The following NRG3 variants were observed in gnomAD, a reference collection of about 807,000 sequenced individuals.
The protein encoded by NRG3 is pro-neuregulin-3, membrane-bound isoform.
Under a neutral mutation model 66.9 loss-of-function variants are expected in NRG3, and 31 were observed. That is an observed-to-expected ratio of 0.46 (90% confidence interval 0.35 to 0.63). NRG3 has a LOEUF of 0.63. Ranked by LOEUF, NRG3 falls within the 20% of genes least tolerant of loss-of-function variation. The probability of loss-of-function intolerance (pLI) is 0.00; values close to 1 mark genes in which losing one functional copy is unlikely to be tolerated. For missense variants in NRG3, 910 were observed against 878.9 expected, an observed-to-expected ratio of 1.04 and a Z score of -0.45; for synonymous variants, 393 against 359.4, an observed-to-expected ratio of 1.09 and a Z score of -1.06.
At chr10:82,770,107 CTTAT>C (rs754811272) in intron 3 of NRG3, among the ~76,000 whole-genome samples, 2 of 152,012 alleles carry the variant, frequency 1.3e-5, no homozygotes, top group East Asian at 3.9e-4. Flanking sequence ...TTATATTATT[CTTAT>C]TTATTTAGTT....
chr10:82,049,788 G>C (rs1242856637), intron 1 of NRG3, among the ~76,000 whole-genome samples: 1 of 151,872 alleles, frequency 6.6e-6, no homozygotes, highest in Non-Finnish European at 1.5e-5. Context: ...GAGTAGCCCA[G>C]AGCTCAGTTT....
chr10:82,922,563 G>A (rs766167054), intron 4 of NRG3, among the ~76,000 whole-genome samples: 3 of 152,138 alleles, frequency 2.0e-5, no homozygotes, highest in Non-Finnish European at 4.4e-5. Context: ...ATAAACAGAC[G>A]CTGGAGGTTT....
intron 2 of NRG3, among the ~76,000 whole-genome samples, chr10:82,639,574 A>G (rs1472893195): frequency 6.6e-6 from 1 of 152,204 alleles, no homozygotes; most frequent in Non-Finnish European, 1.5e-5. Context: ...AGATGTTCAG[A>G]TGACATTTCT....
intron 2 of NRG3, among the ~76,000 whole-genome samples, chr10:82,671,301 T>G (rs184069777): frequency 2.2e-4 from 34 of 152,332 alleles, no homozygotes; most frequent in East Asian, 1.5e-3. Context: ...TTGGGTGGTG[T>G]TGTTCTCATT....
At chr10:82,319,126 A>G (rs965749088) in intron 1 of NRG3, among the ~76,000 whole-genome samples, 1 of 152,218 alleles carries the variant, frequency 6.6e-6, no homozygotes, top group African/African-American at 2.4e-5. Context: ...TTTAAAATAC[A>G]TGTTTAAAAT....
At chr10:82,092,453 A>G (rs536801850) in intron 1 of NRG3, among the ~76,000 whole-genome samples, 2 of 152,174 alleles carry the variant, frequency 1.3e-5, no homozygotes, top group East Asian at 3.9e-4. Flanking sequence ...TCATCCTAGT[A>G]TAAAATGATA....
Position 82,144,825 on chromosome 10 carries a change from T to C in NRG3, c.824-213914T>C, listed in dbSNP as rs149094352. Among the ~76,000 whole-genome samples, 440 of 152,302 alleles carry C rather than the reference T, an allele frequency of 2.9e-3. 2 individuals carry two copies. Among genetic ancestry groups the C allele is most frequent in the African/African-American group, 0.01 (428 of 41,580 alleles). On this transcript the variant is annotated intron_variant, in intron 1 of 8. Coordinates refer to ENST00000372141, the MANE Select transcript of NRG3 (RefSeq NM_001010848.4). The stretch of plus-strand genomic sequence containing the variant: ...TGTATAAAAAGGGGATACTGAAGCA[T>C]CTAATGGTTTGTTGGAAGGAATGAA...
intron 1 of NRG3, among the ~76,000 whole-genome samples, chr10:82,272,657 G>A (rs554455528): frequency 6.6e-6 from 1 of 152,076 alleles, no homozygotes; most frequent in South Asian, 2.1e-4. Context: ...AAACTTTTGA[G>A]TTCGTTTTTA....
chr10:82,817,200 C>T (rs930788962), intron 3 of NRG3, among the ~76,000 whole-genome samples: 7 of 152,152 alleles, frequency 4.6e-5, no homozygotes, highest in Non-Finnish European at 1.0e-4. Flanking sequence ...ATCATTGTGG[C>T]CTTTGGAACA....
chr10:82,023,959 A>G (rs1334759906), intron 1 of NRG3, among the ~76,000 whole-genome samples: 1 of 152,092 alleles, frequency 6.6e-6, no homozygotes, highest in East Asian at 1.9e-4. Context: ...TGTGGAATTC[A>G]GCAGTGAATC....
intron 1 of NRG3, among the ~76,000 whole-genome samples, chr10:82,201,342 T>G (rs938393793): frequency 2.0e-5 from 3 of 152,116 alleles, no homozygotes; most frequent in Non-Finnish European, 2.9e-5. Flanking sequence ...CAACAGTTCT[T>G]TGGTGTTCTA....
At chr10:81,916,644 G>A (rs1172463488) in intron 1 of NRG3, among the ~76,000 whole-genome samples, 1 of 152,128 alleles carries the variant, frequency 6.6e-6, no homozygotes, top group Non-Finnish European at 1.5e-5. Context: ...CTATTTAGGT[G>A]TCAGAGACTG....
chr10:82,142,340 T>G (rs2069856325), intron 1 of NRG3, among the ~76,000 whole-genome samples: 1 of 152,114 alleles, frequency 6.6e-6, no homozygotes, highest in Non-Finnish European at 1.5e-5. Context: ...GAAGGAGTGG[T>G]TGAAATAGCA....
At chr10:82,682,404 G>C (rs947154950) in intron 2 of NRG3, among the ~76,000 whole-genome samples, 6 of 138,634 alleles carry the variant, frequency 4.3e-5, no homozygotes, top group African/African-American at 1.6e-4. Flanking sequence ...TAGACAGATA[G>C]ATAGATAGAT....
At chr10:82,677,314 T>C (rs2053777240) in intron 2 of NRG3, among the ~76,000 whole-genome samples, 1 of 152,090 alleles carries the variant, frequency 6.6e-6, no homozygotes, top group African/African-American at 2.4e-5. Context: ...CTGTTGGGAT[T>C]ATAGGCGCGA....
chr10:82,735,714 A>T (rs1385272776), intron 2 of NRG3, among the ~76,000 whole-genome samples: 1 of 152,086 alleles, frequency 6.6e-6, no homozygotes, highest in Non-Finnish European at 1.5e-5. Context: ...ATGAAAGCAC[A>T]TGGACACAGG....
intron 2 of NRG3, among the ~76,000 whole-genome samples, chr10:82,608,871 TA>T (rs753728579): frequency 2.6e-5 from 4 of 151,922 alleles, no homozygotes; most frequent in Admixed American, 6.6e-5. Context: ...TATTTTTCTT[TA>T]AAAAAAATGT....
At position 82,599,349 on chromosome 10, in the gene NRG3, T is replaced by C. The variant is rs920613646; in HGVS notation, c.954-139228T>C. On this transcript the variant is annotated intron_variant, in intron 2 of 8. Coordinates refer to ENST00000372141, the MANE Select transcript of NRG3 (RefSeq NM_001010848.4). ...GTGAGGCTCTTTTCTTAGTCATGGA[T>C]GCAGCTACGTCATTAGCAGAGAGGA... Among the ~76,000 whole-genome samples the C allele has an allele frequency of 2.0e-5, 3 of 152,298 alleles. No homozygotes were observed. In the South Asian group the frequency reaches 6.2e-4, roughly 32 times the overall value.
chr10:82,932,640 G>C (rs1165836755), intron 4 of NRG3, among the ~76,000 whole-genome samples: 1 of 152,134 alleles, frequency 6.6e-6, no homozygotes, highest in African/African-American at 2.4e-5. Flanking sequence ...AACACTGACT[G>C]CTTCTCTCCT....
Sources: allele counts gnomAD v4.1 joint callset (sites outside exome capture counted in the v4.1 genomes callset), GRCh38; gene constraint gnomAD v4.1.1; transcripts MANE v1.5; gene names NCBI Gene and HGNC (gene_info 2026-07-23, HGNC 2026-07-21).